Variants in TPPP2 observed in about 807,000 individuals in gnomAD.
TPPP2 encodes the protein tubulin polymerization-promoting protein family member 2.
A neutral mutation model predicts 13.0 loss-of-function variants in TPPP2; 8 were observed. The ratio of observed to expected loss-of-function variants is 0.62; its 90% CI spans 0.36 to 1.11. The LOEUF is 1.11. TPPP2 is among the 50% of genes most tolerant of loss of function. The pLI is 0.02. For missense variants in TPPP2, 213 were observed against 216.9 expected (o/e 0.98, Z 0.11); for synonymous variants, 81 against 81.8 (o/e 0.99, Z 0.05).
chr14:21,032,936 T>C (rs3748346), downstream of TPPP2: 168,928 of 455,582 alleles, frequency 0.37, 33,742 homozygotes, highest in African/African-American at 0.58. Flanking sequence ...ACATCTTACA[T>C]ACTCAGATGT....
In TPPP2 at chr14:21,032,207, A is replaced by C; in HGVS notation, c.*130A>C. 1 of 963,486 alleles carries C rather than the reference A, an allele frequency of 1.0e-6. No individual in the cohort carries two copies. Among genetic ancestry groups the C allele is most frequent in the Non-Finnish European group, 1.6e-6 (1 of 614,058 alleles). The allele number at this position is 963,486 out of a possible 1,614,324, so 59.7% of individuals were successfully genotyped here. A position where few individuals can be genotyped will look rare whatever the true frequency, so the allele number is the denominator to read the frequency against. On this transcript the variant is annotated 3_prime_UTR_variant, in exon 4 of 4. Transcript: ENST00000321760. The stretch of plus-strand genomic sequence containing the variant: ...TCTGTGAGGGACAGATGAGCCTACT[A>C]GTGTAGAGAGAGGGAGAAGAGGCAG...
At position 21,025,171 on chromosome 14, in the gene TPPP2, G is replaced by C; in HGVS notation, n.236+827G>C. ...CCCGCAGACCCGCCCCAGACCCCCA[G>C]TAAACACGCCCCCCCTTTCACCCCG... On this transcript the variant is annotated intron_variant and non_coding_transcript_variant, in intron 1 of 1. Transcript: ENST00000533755. This position sits in a 1 kb window ranked among gnomAD's most constrained non-coding sequence, Gnocchi z 5.1. 4.4e-6 allele frequency: 4 copies of C among 916,566 alleles called. No individual in the cohort carries two copies. The highest frequency in any genetic ancestry group is 5.2e-6 in the Non-Finnish European group (4 of 767,234). 56.8% of individuals were successfully genotyped at this position (916,566 alleles called of 1,614,324 possible).
rs1328049390 is a variant in TPPP2, at chr14:21,025,205, G to C, written n.236+861G>C. ...CCCCCCCTTTCACCCCGCCCAGACT[G>C]CCGCTCAGGAAAGGGTTGTGCTGGG... On this transcript the variant is annotated intron_variant and non_coding_transcript_variant, in intron 1 of 1. Coordinates refer to the TPPP2 transcript ENST00000533755. This position sits in a 1 kb window ranked among gnomAD's most constrained non-coding sequence, Gnocchi z 5.1. 1 of 866,834 alleles carries C rather than the reference G, an allele frequency of 1.2e-6. No homozygotes were observed. The highest frequency in any genetic ancestry group is 6.2e-5 in the Admixed American group (1 of 16,114). The allele number at this position is 866,834 out of a possible 1,614,324, so 53.7% of individuals were successfully genotyped here. A position where few individuals can be genotyped will look rare whatever the true frequency, so the allele number is the denominator to read the frequency against.
chr14:21,032,978 G>T (rs764642091), downstream of TPPP2: 1 of 456,122 alleles, frequency 2.2e-6, no homozygotes, highest in Non-Finnish European at 4.4e-6. Flanking sequence ...ATTAGAGCCG[G>T]GCCTGCCTCA....
Position 21,030,564 on chromosome 14 carries a change from C to A in TPPP2, c.-18C>A. ...CCAAGTGTCTCCCACGACTGCCCTCCCCGACCTCTAGCTGACCATGGCATC... is the reference window on the plus strand; with the variant it reads ...CCAAGTGTCTCCCACGACTGCCCTCACCGACCTCTAGCTGACCATGGCATC... On this transcript the variant is annotated 5_prime_UTR_variant, in exon 2 of 4. Coordinates refer to ENST00000321760, the MANE Select transcript of TPPP2 (RefSeq NM_173846.5). The A allele has an allele frequency of 1.9e-6, 3 of 1,611,734 alleles. No individual in the cohort carries two copies. The highest frequency in any genetic ancestry group is 2.5e-6 in the Non-Finnish European group (3 of 1,178,994).
chr14:21,035,915 A>G (rs1884591887), downstream of TPPP2: 1 of 442,792 alleles, frequency 2.3e-6, no homozygotes, highest in African/African-American at 2.0e-5. Flanking sequence ...AGTGAAACAG[A>G]CCAGGAATTG....
downstream of TPPP2, chr14:21,034,393 G>A: frequency 2.5e-6 from 2 of 805,600 alleles, no homozygotes; most frequent in Non-Finnish European, 4.0e-6. Flanking sequence ...CAGTACTTTA[G>A]AGATCATCTC....
At chr14:21,033,033 G>A (rs1184644195), downstream of TPPP2, 1 of 453,468 alleles carries the variant, frequency 2.2e-6, no homozygotes, top group Non-Finnish European at 4.4e-6. Flanking sequence ...GGGGGATTTG[G>A]GAGGAGCTTC....
At chr14:21,034,043 G>T, downstream of TPPP2, 1 of 1,614,084 alleles carries the variant, frequency 6.2e-7, no homozygotes, top group Non-Finnish European at 8.5e-7. Context: ...AGAACTTCTG[G>T]ATGGCCTTCC....
upstream of TPPP2, chr14:21,025,391 G>A (rs1443488479): frequency 2.0e-6 from 2 of 985,430 alleles, no homozygotes; most frequent in Admixed American, 6.1e-5. This position sits in a 1 kb window ranked among gnomAD's most constrained non-coding sequence, Gnocchi z 5.1. Context: ...CCCCATCCAC[G>A]ACCTGGATCT....
rs1884069800 is a variant in TPPP2, at chr14:21,031,015, C to G, written c.177C>G (p.Ala59=). ...GGATTTCTGTCTAACTGACCAGGGCCAAGAACGCCCGAACCATCACGTTTC... is the reference window on the plus strand; with the variant it reads ...GGATTTCTGTCTAACTGACCAGGGCGAAGAACGCCCGAACCATCACGTTTC... ...DVDIVFSKVK[A]KNARTITFQQ... is the part of the protein sequence containing the mutation. Residue 59 remains alanine (A), a synonymous_variant, in exon 3 of 4, where the codon GCC becomes GCG. Coordinates refer to ENST00000321760, the MANE Select transcript of TPPP2 (RefSeq NM_173846.5). 2 of 1,606,180 alleles carry G rather than the reference C, an allele frequency of 1.2e-6. No homozygotes were observed. The highest frequency in any genetic ancestry group is 2.2e-5 in the East Asian group (1 of 44,824).
chr14:21,030,863 G>T, intron 2 of TPPP2, 109 bp downstream of exon 2: 1 of 1,510,952 alleles, frequency 6.6e-7, no homozygotes, highest in South Asian at 1.3e-5. Flanking sequence ...AAGCACCACA[G>T]GGTACCTGGC....
At chr14:21,030,855 G>A (rs1884049805) in intron 2 of TPPP2, 101 bp downstream of exon 2, 3 of 1,517,514 alleles carry the variant, frequency 2.0e-6, no homozygotes, top group Non-Finnish European at 1.8e-6. Flanking sequence ...GGCCTACCAA[G>A]CACCACAGGG....
chr14:21,024,323 AGAAG>A, exon 1 of TPPP2: 1 of 984,898 alleles, frequency 1.0e-6, no homozygotes. Flanking sequence ...CGCGGAGGAG[AGAAG>A]GAAGTGCTGA....
chr14:21,035,110 G>T (rs532963040), downstream of TPPP2, among the ~76,000 whole-genome samples: 178 of 152,354 alleles, frequency 1.2e-3, no homozygotes, highest in Non-Finnish European at 2.0e-3. Flanking sequence ...AGGAGGGCAT[G>T]TACTCAGGGG....
chr14:21,026,268 A>G (rs924721377), upstream of TPPP2, among the ~76,000 whole-genome samples: 25 of 152,144 alleles, frequency 1.6e-4, no homozygotes, highest in Non-Finnish European at 3.5e-4. Flanking sequence ...TTGTTTAGGC[A>G]AAAGGAAACC....
At chr14:21,024,666 C>T (rs1302265746) in intron 1 of TPPP2, 2 of 985,376 alleles carry the variant, frequency 2.0e-6, no homozygotes, top group African/African-American at 3.5e-5. Context: ...CTCCCGTTCT[C>T]CCCCGACGGC....
At chr14:21,031,744 G>A in intron 3 of TPPP2, 148 bp from the exon 4 acceptor site, 1 of 820,594 alleles carries the variant, frequency 1.2e-6, no homozygotes, top group Non-Finnish European at 1.9e-6. Flanking sequence ...GCCCACAGCT[G>A]TATCTGGGCC....
In TPPP2 at chr14:21,031,161, C is replaced by G. The variant is rs1456729933; in HGVS notation, c.323C>G (p.Ala108Gly). Residue 108 changes from alanine (A) to glycine (G), a missense_variant, in exon 3 of 4, where the codon GCT (alanine) becomes GGT (glycine). Ala to Gly is a moderately conservative substitution (Grantham distance 60). Transcript: ENST00000321760. Reference sequence around the variant, plus strand: ...GGCAAAGACCCAGCCACCACTGGCGCTACTGTGAGTGACAGCCTTCATCCC... The same window carrying G: ...GGCAAAGACCCAGCCACCACTGGCGGTACTGTGAGTGACAGCCTTCATCCC... Reference protein sequence around the residue: ...MEGKDPATTGATKATTVGAVD... With the variant: ...MEGKDPATTGGTKATTVGAVD... The G allele has an allele frequency of 1.2e-6, 2 of 1,613,426 alleles. No homozygotes were observed. The highest frequency in any genetic ancestry group is 2.2e-5 in the East Asian group (1 of 44,878).
Sources: allele counts gnomAD v4.1 joint callset (sites outside exome capture counted in the v4.1 genomes callset), GRCh38; gene constraint gnomAD v4.1.1; non-coding constraint Gnocchi (gnomAD v3.1); transcripts MANE v1.5; gene names NCBI Gene and HGNC (gene_info 2026-07-23, HGNC 2026-07-21).